DZIP1L: variants seen among roughly 807,000 people sequenced by gnomAD.
The protein encoded by DZIP1L is cilium assembly protein DZIP1L.
Under a neutral mutation model 88.7 loss-of-function variants are expected in DZIP1L, and 90 were observed. The ratio of observed to expected loss-of-function variants is 1.02; its 90% CI spans 0.86 to 1.21. The LOEUF is 1.21. Among genes scored for constraint, DZIP1L ranks in the 50% most tolerant of loss-of-function variants. The pLI, the probability that DZIP1L is intolerant of heterozygous loss-of-function variation, is 0.00. For missense variants in DZIP1L, 932 were observed against 955.8 expected (o/e 0.98, Z 0.33); for synonymous variants, 363 against 372.1 (o/e 0.98, Z 0.28).
chr3:138,085,129 G>A (rs977058603), intron 7 of DZIP1L, among the ~76,000 whole-genome samples: 3 of 152,120 alleles, frequency 2.0e-5, no homozygotes, highest in African/African-American at 7.2e-5. Flanking sequence ...AGTCTTAAAC[G>A]TTAGACCTAA....
Position 138,084,232 on chromosome 3 carries a change from G to T in DZIP1L, c.1084C>A (p.Leu362Ile), listed in dbSNP as rs1461639260. ...KKELQEENQRLQASLSQDQKK... is the reference protein window; with the variant it reads ...KKELQEENQRIQASLSQDQKK... The stretch of plus-strand genomic sequence containing the variant: ...TGATCCTGAGACAGGGAGGCCTGGA[G>T]CCTCTGGTTCTCCTCCTGTAGCTGG... Residue 362 changes from leucine to isoleucine, a missense_variant, in exon 8 of 16, where the codon CTC (leucine) becomes ATC (isoleucine). By Grantham distance (5) the Leu-to-Ile change is conservative (BLOSUM62 2). Coordinates refer to ENST00000327532, the MANE Select transcript of DZIP1L (RefSeq NM_173543.3). 1 of 1,614,022 alleles carries T rather than the reference G, an allele frequency of 6.2e-7. No individual in the cohort carries two copies. Among genetic ancestry groups the T allele is most frequent in the African/African-American group, 1.3e-5 (1 of 74,950 alleles).
At chr3:138,101,440 C>T (rs565361704) in intron 2 of DZIP1L, 8 of 725,186 alleles carry the variant, frequency 1.1e-5, no homozygotes, top group South Asian at 4.6e-5. Flanking sequence ...CTGGGGCAGC[C>T]GCAGGAGGGG....
At chr3:138,077,475 T>TA in intron 11 of DZIP1L, 24 bp downstream of exon 11, 1 of 1,613,660 alleles carries the variant, frequency 6.2e-7, no homozygotes, top group Non-Finnish European at 8.5e-7. Context: ...TATCAGCCCT[T>TA]AAAACGATGG....
intron 5 of DZIP1L, among the ~76,000 whole-genome samples, chr3:138,090,957 C>T (rs575712857): frequency 4.7e-5 from 7 of 149,840 alleles, no homozygotes; most frequent in African/African-American, 1.7e-4. Context: ...GATCTCAGTT[C>T]ACTGCAACCT....
In DZIP1L at chr3:138,080,548, A is replaced by G. The variant is rs375596616; in HGVS notation, c.1288+19T>C. ...TCTGTTTCTGCACTGGACACCCAGGAAAGAAAGTAAGGTCCCACCTTCCTC... is the reference window on the plus strand; with the variant it reads ...TCTGTTTCTGCACTGGACACCCAGGGAAGAAAGTAAGGTCCCACCTTCCTC... On this transcript the variant is annotated intron_variant, in intron 10 of 15. Coordinates refer to ENST00000327532, the MANE Select transcript of DZIP1L (RefSeq NM_173543.3). 1.1e-5 allele frequency: 17 copies of G among 1,613,112 alleles called. No individual in the cohort carries two copies. The highest frequency in any genetic ancestry group is 1.4e-5 in the Non-Finnish European group (17 of 1,179,284).
At chr3:138,088,642 A>G (rs2107798146) in intron 5 of DZIP1L, 135 bp from the exon 6 acceptor site, 1 of 1,335,030 alleles carries the variant, frequency 7.5e-7, no homozygotes. Flanking sequence ...ATACCTACTC[A>G]CCTACAGATA....
chr3:138,064,924 G>T (rs1942831191), intron 14 of DZIP1L, among the ~76,000 whole-genome samples, 157 bp from the exon 15 acceptor site: 1 of 152,188 alleles, frequency 6.6e-6, no homozygotes, highest in African/African-American at 2.4e-5. Flanking sequence ...AGACAGAGAA[G>T]GCCAGGCCAA....
rs376322296 is a variant in DZIP1L, at chr3:138,092,420, A to T, written c.833T>A (p.Phe278Tyr). ...DKLKKLFWDE[F>Y]KNVAKQNSTL... Reference sequence around the variant, plus strand: ...AGAGTTCTGCTTGGCGACATTTTTAAATTCATCCCAAAATAATTTTTTTAG... The same window carrying T: ...AGAGTTCTGCTTGGCGACATTTTTATATTCATCCCAAAATAATTTTTTTAG... Residue 278 changes from phenylalanine to tyrosine, a missense_variant, in exon 5 of 16, where the codon TTT becomes TAT. Coordinates refer to ENST00000327532, the MANE Select transcript of DZIP1L (RefSeq NM_173543.3). 9 of 1,604,754 alleles carry T rather than the reference A, an allele frequency of 5.6e-6. No homozygotes were observed. Among genetic ancestry groups the T allele is most frequent in the African/African-American group, 1.3e-5 (1 of 74,624 alleles).
intron 12 of DZIP1L, 52 bp from the exon 13 acceptor site, chr3:138,068,419 A>C: frequency 7.2e-7 from 1 of 1,383,064 alleles, no homozygotes; most frequent in Non-Finnish European, 9.6e-7. Flanking sequence ...CTGGATCTCA[A>C]GCCTAAGAGG....
chr3:138,072,569 GT>G (rs1943229993), intron 11 of DZIP1L, among the ~76,000 whole-genome samples: 1 of 152,022 alleles, frequency 6.6e-6, no homozygotes, highest in Non-Finnish European at 1.5e-5. Flanking sequence ...TAATAGGTGT[GT>G]TTTTATTTAA....
rs190873671 is a variant in DZIP1L, at chr3:138,078,924, T to A, written c.1289-1292A>T. On this transcript the variant is annotated intron_variant, in intron 10 of 15. Coordinates refer to ENST00000327532, the MANE Select transcript of DZIP1L (RefSeq NM_173543.3). ...AGCTTCCTGGGTGATTCTTAATGTT[T>A]AGCCAGTTGTAGACAGCCACTGGTC... is the stretch of plus-strand genomic sequence containing the variant. 3.2e-4 allele frequency among the ~76,000 whole-genome samples: 49 copies of A among 152,342 alleles called. No individual in the cohort carries two copies. In the East Asian group the frequency reaches 9.1e-3, roughly 28 times the overall value.
chr3:138,108,542 C>T (rs1229935330), intron 1 of DZIP1L, among the ~76,000 whole-genome samples: 1 of 151,944 alleles, frequency 6.6e-6, no homozygotes, highest in African/African-American at 2.4e-5. Flanking sequence ...TGCCACTGCC[C>T]CCTTGATATT....
intron 4 of DZIP1L, among the ~76,000 whole-genome samples, chr3:138,093,281 AT>A (rs1944318791): frequency 6.6e-6 from 1 of 151,884 alleles, no homozygotes; most frequent in Non-Finnish European, 1.5e-5. Flanking sequence ...AGCAGTAATT[AT>A]TTTGAAAAGA....
chr3:138,087,643 A>G (rs1944008984), intron 6 of DZIP1L, among the ~76,000 whole-genome samples: 2 of 152,238 alleles, frequency 1.3e-5, no homozygotes, highest in Admixed American at 6.5e-5. Context: ...GCCTCTTTAT[A>G]ATGTGAAACC....
intron 7 of DZIP1L, among the ~76,000 whole-genome samples, chr3:138,084,861 C>T (rs1943848303): frequency 6.6e-6 from 1 of 152,160 alleles, no homozygotes; most frequent in African/African-American, 2.4e-5. Flanking sequence ...CCAGTTTTCC[C>T]AGCACCGTTT....
chr3:138,097,742 C>CAGAA lies in DZIP1L; in HGVS notation c.586+20_586+21insTTCT, dbSNP rs760492807. 5 of 1,598,272 alleles carry CAGAA rather than the reference C, an allele frequency of 3.1e-6. No homozygotes were observed. In the African/African-American group the frequency reaches 5.4e-5, roughly 17 times the overall value. On this transcript the variant is annotated intron_variant, in intron 3 of 15. Transcript: ENST00000327532. ...CCTTTCCACAGTCCCAGAAGGGGCC[C>CAGAA]GGGCTGCTGTCTGGACTCACCACCT...
chr3:138,067,816 C>G (rs1321057471), intron 13 of DZIP1L, 116 bp from the exon 14 acceptor site: 1 of 1,229,632 alleles, frequency 8.1e-7, no homozygotes, highest in East Asian at 3.0e-5. Context: ...CCTGCTCCCT[C>G]CCTCAGGCCC....
At chr3:138,106,170 G>C (rs542969919) in intron 1 of DZIP1L, among the ~76,000 whole-genome samples, 2 of 107,970 alleles carry the variant, frequency 1.9e-5, no homozygotes, top group South Asian at 3.3e-4. Context: ...ACAGTGTCTC[G>C]CACTGTCGCC....
chr3:138,106,295 C>T (rs2042487492), intron 1 of DZIP1L, among the ~76,000 whole-genome samples: 1 of 151,166 alleles, frequency 6.6e-6, no homozygotes, highest in African/African-American at 2.4e-5. Flanking sequence ...CACTCCACCA[C>T]ACCTGGCTAA....
Sources: gnomAD v4.1 joint callset for allele counts (sites outside exome capture counted in the v4.1 genomes callset) on GRCh38, gnomAD v4.1.1 for gene constraint, MANE v1.5 for transcripts, NCBI Gene and HGNC (gene_info 2026-07-23, HGNC 2026-07-21) for gene names.